Variants in GPR158 observed in about 807,000 individuals in gnomAD.
GPR158 encodes the protein metabotropic glycine receptor.
In GPR158, 30 loss-of-function variants were observed where a neutral mutation model predicts 78.2. The observed-to-expected ratio is 0.38, with a 90% CI of 0.29 to 0.52. The LOEUF is 0.52. Ranked by LOEUF, GPR158 falls within the 20% of genes least tolerant of loss-of-function variation. The probability of loss-of-function intolerance (pLI) is 0.83; values close to 1 mark genes in which losing one functional copy is unlikely to be tolerated. For missense variants in GPR158, 1,463 were observed against 1,523.5 expected, an observed-to-expected ratio of 0.96 and a Z score of 0.66; for synonymous variants, 581 against 591.1, an observed-to-expected ratio of 0.98 and a Z score of 0.25.
chr10:25,343,511 C>T (rs1312038282), intron 2 of GPR158, among the ~76,000 whole-genome samples: 1 of 151,952 alleles, frequency 6.6e-6, no homozygotes, highest in Non-Finnish European at 1.5e-5. Context: ...ACTCATTGTT[C>T]TTTCCAGTTT....
At chr10:25,462,521 C>G (rs1243577392) in intron 4 of GPR158, among the ~76,000 whole-genome samples, 2 of 152,172 alleles carry the variant, frequency 1.3e-5, no homozygotes, top group Non-Finnish European at 2.9e-5. Flanking sequence ...AGTGATTCTT[C>G]TGATAGATCT....
At chr10:25,262,215 G>A (rs763761667) in intron 2 of GPR158, among the ~76,000 whole-genome samples, 6 of 152,166 alleles carry the variant, frequency 3.9e-5, no homozygotes, top group Non-Finnish European at 8.8e-5. Flanking sequence ...TCTTGACTTA[G>A]TGGGGAGAGT....
intron 2 of GPR158, among the ~76,000 whole-genome samples, chr10:25,346,176 T>C (rs974982399): frequency 6.6e-6 from 1 of 151,916 alleles, no homozygotes; most frequent in Admixed American, 6.6e-5. Flanking sequence ...GAGTATCAAA[T>C]AGCCATATGT....
intron 3 of GPR158, among the ~76,000 whole-genome samples, chr10:25,405,498 CTTTTT>C (rs59695469): frequency 0.016 from 715 of 45,370 alleles, 1 homozygote; most frequent in African/African-American, 0.049. Context: ...AAACAATTTC[CTTTTT>C]TTTTTTTTTT....
chr10:25,350,839 A>G (rs1483166702), intron 2 of GPR158, among the ~76,000 whole-genome samples: 1 of 151,966 alleles, frequency 6.6e-6, no homozygotes. Context: ...GATTTGTTTT[A>G]TATACATATG....
At chr10:25,592,466 A>C (rs1837354074) in intron 8 of GPR158, among the ~76,000 whole-genome samples, 1 of 152,016 alleles carries the variant, frequency 6.6e-6, no homozygotes, top group African/African-American at 2.4e-5. Context: ...CCTGGCTTTT[A>C]GACCTATGTT....
chr10:25,294,289 A>G (rs1442811705), intron 2 of GPR158, among the ~76,000 whole-genome samples: 2 of 152,170 alleles, frequency 1.3e-5, no homozygotes, highest in Non-Finnish European at 2.9e-5. Context: ...AGTGGGAGAA[A>G]CTTTGTGAGT....
intron 2 of GPR158, among the ~76,000 whole-genome samples, chr10:25,264,235 G>A (rs1055819605): frequency 6.6e-6 from 1 of 152,140 alleles, no homozygotes; most frequent in Non-Finnish European, 1.5e-5. Flanking sequence ...GATTGATGCT[G>A]CACATCTCCC....
chr10:25,591,258 A>G (rs887535786), intron 8 of GPR158, among the ~76,000 whole-genome samples: 1 of 152,144 alleles, frequency 6.6e-6, no homozygotes, highest in Non-Finnish European at 1.5e-5. Context: ...ATTTTATTTA[A>G]CCAGCATTTT....
intron 2 of GPR158, among the ~76,000 whole-genome samples, chr10:25,262,009 T>C (rs1355404279): frequency 6.6e-6 from 1 of 152,090 alleles, no homozygotes; most frequent in Admixed American, 6.6e-5. Flanking sequence ...CCTGGGGAAG[T>C]AATAATGACT....
chr10:25,275,582 G>A (rs1424581987), intron 2 of GPR158, among the ~76,000 whole-genome samples: 1 of 152,102 alleles, frequency 6.6e-6, no homozygotes, highest in Admixed American at 6.6e-5. Context: ...TGAGAAGTGG[G>A]TGCTTGATAT....
intron 2 of GPR158, among the ~76,000 whole-genome samples, chr10:25,374,557 A>C (rs1834048020): frequency 6.6e-6 from 1 of 151,496 alleles, no homozygotes; most frequent in Middle Eastern, 3.4e-3. Context: ...TGCCATACCC[A>C]CCTCCTTTCC....
At chr10:25,429,336 T>C (rs953985406) in intron 4 of GPR158, among the ~76,000 whole-genome samples, 17 of 152,030 alleles carry the variant, frequency 1.1e-4, no homozygotes, top group African/African-American at 3.9e-4. Context: ...AGAAGAAGTT[T>C]TATCTGAAAA....
intron 5 of GPR158, among the ~76,000 whole-genome samples, chr10:25,495,656 T>C (rs1835870944): frequency 6.6e-6 from 1 of 152,032 alleles, no homozygotes; most frequent in Admixed American, 6.6e-5. Context: ...GACCAAATGA[T>C]GATGAGTGGT....
At chr10:25,241,404 C>T (rs183818731) in intron 2 of GPR158, among the ~76,000 whole-genome samples, 16 of 135,720 alleles carry the variant, frequency 1.2e-4, no homozygotes, top group South Asian at 2.4e-4. Flanking sequence ...CTCTTCTCTT[C>T]TCTTCTCTTT....
chr10:25,239,646 G>A (rs908046584), intron 2 of GPR158, among the ~76,000 whole-genome samples: 1 of 151,098 alleles, frequency 6.6e-6, no homozygotes, highest in Non-Finnish European at 1.5e-5. Flanking sequence ...TTTCCTGGTT[G>A]GTGCACACTA....
At chr10:25,399,278 C>G (rs2130533329) in intron 3 of GPR158, among the ~76,000 whole-genome samples, 1 of 152,236 alleles carries the variant, frequency 6.6e-6, no homozygotes, top group East Asian at 1.9e-4. Flanking sequence ...CTGCCCTTAA[C>G]ACTTGGGGGA....
intron 2 of GPR158, among the ~76,000 whole-genome samples, chr10:25,290,316 G>A (rs576110050): frequency 2.6e-5 from 4 of 152,094 alleles, no homozygotes; most frequent in South Asian, 2.1e-4. Context: ...GTATAATGCC[G>A]TTTGTAATAA....
In GPR158 at chr10:25,600,585, T is replaced by C. The variant is rs1301423323; in HGVS notation, c.*1311T>C. 6.6e-6 allele frequency: 1 copy of C among 152,574 alleles called. No individual in the cohort carries two copies. The highest frequency in any genetic ancestry group is 1.5e-5 in the Non-Finnish European group (1 of 68,044). 9.5% of individuals were successfully genotyped at this position (152,574 alleles called of 1,614,324 possible). A position where few individuals can be genotyped will look rare whatever the true frequency, so the allele number is the denominator to read the frequency against. ...TTAAAATACCTTAAAGTATTTATTCTCATAAACTCTTATTCATTGCTTCAG... is the reference window on the plus strand; with the variant it reads ...TTAAAATACCTTAAAGTATTTATTCCCATAAACTCTTATTCATTGCTTCAG... On this transcript the variant is annotated 3_prime_UTR_variant, in exon 11 of 11. Transcript: ENST00000376351.
Sources: gnomAD v4.1 joint callset for allele counts (sites outside exome capture counted in the v4.1 genomes callset) on GRCh38, gnomAD v4.1.1 for gene constraint, MANE v1.5 for transcripts, NCBI Gene and HGNC (gene_info 2026-07-23, HGNC 2026-07-21) for gene names.